The following DLG1 variants were observed in gnomAD, a reference collection of about 807,000 sequenced individuals.
DLG1 encodes the protein disks large homolog 1.
A neutral mutation model predicts 123.4 loss-of-function variants in DLG1; 42 were observed. The ratio of observed to expected loss-of-function variants is 0.34; its 90% confidence interval spans 0.27 to 0.44. The LOEUF is 0.44. DLG1 is among the 20% of genes least tolerant of loss of function. The probability of loss-of-function intolerance (pLI) is 1.00; values close to 1 mark genes in which losing one functional copy is unlikely to be tolerated. For synonymous variants in DLG1, 317 were observed against 356.2 expected (o/e 0.89, Z 1.24); for missense variants, 942 against 1,082.6 (o/e 0.87, Z 1.82).
intron 19 of DLG1, among the ~76,000 whole-genome samples, chr3:197,067,730 T>C (rs1740680993): frequency 6.6e-6 from 1 of 152,098 alleles, no homozygotes; most frequent in Non-Finnish European, 1.5e-5. Context: ...GCTAATTTTG[T>C]ATTTTTAGTA....
At chr3:197,182,258 T>G (rs1429924394) in intron 5 of DLG1, among the ~76,000 whole-genome samples, 1 of 152,204 alleles carries the variant, frequency 6.6e-6, no homozygotes, top group East Asian at 1.9e-4. Flanking sequence ...TATATGTAAT[T>G]GCAGTCAAAA....
intron 3 of DLG1, among the ~76,000 whole-genome samples, chr3:197,291,592 G>A (rs1466904153): frequency 6.6e-6 from 1 of 152,126 alleles, no homozygotes; most frequent in East Asian, 1.9e-4. Context: ...TTGTCATTTA[G>A]TATTCTTTAT....
intron 4 of DLG1, among the ~76,000 whole-genome samples, chr3:197,221,925 T>C (rs926382161): frequency 6.6e-6 from 1 of 152,212 alleles, no homozygotes; most frequent in African/African-American, 2.4e-5. Context: ...GTGGTGTATG[T>C]AGTATTTGCA....
At chr3:197,189,509 A>C (rs1441115681) in intron 5 of DLG1, among the ~76,000 whole-genome samples, 2 of 152,184 alleles carry the variant, frequency 1.3e-5, no homozygotes, top group Non-Finnish European at 2.9e-5. Flanking sequence ...CTCAGTTTGC[A>C]AATATGAATC....
intron 7 of DLG1, among the ~76,000 whole-genome samples, chr3:197,140,750 T>C (rs1173170372): frequency 6.6e-6 from 1 of 152,212 alleles, no homozygotes; most frequent in African/African-American, 2.4e-5. Context: ...TAACTTGACA[T>C]CAGCTTATTT....
intron 3 of DLG1, among the ~76,000 whole-genome samples, chr3:197,289,341 TACACAC>T (rs56319334): frequency 9.3e-5 from 14 of 150,398 alleles, no homozygotes; most frequent in East Asian, 4.0e-4. Flanking sequence ...TACACGCGCA[TACACAC>T]ACACACACAC....
At chr3:197,060,157 G>C (rs997341202) in intron 22 of DLG1, among the ~76,000 whole-genome samples, 159 bp from the exon 23 acceptor site, 1 of 152,160 alleles carries the variant, frequency 6.6e-6, no homozygotes, top group African/African-American at 2.4e-5. Context: ...CTTTAGATAG[G>C]AAATGAAATG....
chr3:197,278,002 G>C (rs1454297620), intron 4 of DLG1, among the ~76,000 whole-genome samples: 3 of 151,612 alleles, frequency 2.0e-5, no homozygotes, highest in Non-Finnish European at 4.4e-5. Context: ...AATGGTTTTG[G>C]GGTCGGGCAT....
intron 5 of DLG1, chr3:197,183,814 C>T: frequency 4.5e-6 from 7 of 1,547,726 alleles, no homozygotes; most frequent in Non-Finnish European, 6.1e-6. Context: ...TTCATCTCTG[C>T]AGCCCTGCAG....
chr3:197,164,919 C>A, intron 5 of DLG1, among the ~76,000 whole-genome samples: 1 of 142,042 alleles, frequency 7.0e-6, no homozygotes. Flanking sequence ...GCAAGACTAT[C>A]TCAAAAAAAG....
intron 3 of DLG1, among the ~76,000 whole-genome samples, chr3:197,291,220 A>G (rs1015255411): frequency 1.0e-5 from 1 of 98,874 alleles, no homozygotes; most frequent in African/African-American, 3.2e-5. Context: ...AGAAGTTACT[A>G]AAATTCTCCA....
chr3:197,051,682 T>A lies in DLG1; in HGVS notation c.2484-14A>T, dbSNP rs1560321064. 2 of 1,593,310 alleles carry A rather than the reference T, an allele frequency of 1.3e-6. No homozygotes were observed. Among genetic ancestry groups the A allele is most frequent in the Non-Finnish European group, 8.6e-7 (1 of 1,162,634 alleles). Reference sequence around the variant, plus strand: ...TTATTCATTTCCCTACGAAAATAAATGTAGAAATTGATAATTACCAAATTA... The same window carrying A: ...TTATTCATTTCCCTACGAAAATAAAAGTAGAAATTGATAATTACCAAATTA... On this transcript the variant is annotated splice_polypyrimidine_tract_variant and intron_variant, in intron 23 of 24. Coordinates refer to ENST00000667157, the MANE Select transcript of DLG1 (RefSeq NM_001366207.1).
intron 3 of DLG1, among the ~76,000 whole-genome samples, chr3:197,287,001 C>A (rs1020123636): frequency 2.0e-5 from 3 of 151,790 alleles, no homozygotes; most frequent in Non-Finnish European, 4.4e-5. Context: ...GGCTCCCAAG[C>A]AGCTGGGACG....
chr3:197,178,303 C>T (rs1463509792), intron 5 of DLG1, among the ~76,000 whole-genome samples: 3 of 151,878 alleles, frequency 2.0e-5, no homozygotes, highest in African/African-American at 7.3e-5. Flanking sequence ...GAATAAAAAG[C>T]CAACAGGATT....
At chr3:197,089,088 T>C (rs566862186) in intron 15 of DLG1, among the ~76,000 whole-genome samples, 19 of 152,284 alleles carry the variant, frequency 1.2e-4, no homozygotes, top group Admixed American at 6.5e-4. Flanking sequence ...TTTAGAAATA[T>C]AGAGGCGAAG....
chr3:197,247,221 C>T (rs939440395), intron 4 of DLG1, among the ~76,000 whole-genome samples: 4 of 152,146 alleles, frequency 2.6e-5, no homozygotes, highest in Non-Finnish European at 5.9e-5. Flanking sequence ...ATCTTTGTTG[C>T]ACTGTTTTAT....
intron 3 of DLG1, among the ~76,000 whole-genome samples, chr3:197,291,182 A>C (rs1774668869): frequency 2.0e-5 from 3 of 151,754 alleles, no homozygotes; most frequent in South Asian, 4.2e-4. Flanking sequence ...CAAAGAACTC[A>C]ATCTAATTGA....
intron 2 of DLG1, 87 bp from the exon 3 acceptor site, chr3:197,296,564 TA>T: frequency 8.0e-7 from 1 of 1,255,844 alleles, no homozygotes. Flanking sequence ...GCATGACATC[TA>T]AATAGTTCCG....
chr3:197,068,905 C>T (rs1465037272), intron 19 of DLG1, among the ~76,000 whole-genome samples: 1 of 152,008 alleles, frequency 6.6e-6, no homozygotes, highest in African/African-American at 2.4e-5. Flanking sequence ...AAACCAATTA[C>T]TAAACAGAAG....
Sources: gnomAD v4.1 joint callset for allele counts (sites outside exome capture counted in the v4.1 genomes callset) on GRCh38, gnomAD v4.1.1 for gene constraint, MANE v1.5 for transcripts, NCBI Gene and HGNC (gene_info 2026-07-23, HGNC 2026-07-21) for gene names.